Variants in DPYD observed in about 807,000 individuals in gnomAD.
DPYD encodes dihydropyrimidine dehydrogenase [NADP(+)].
Under a neutral mutation model 116.2 loss-of-function variants are expected in DPYD, and 109 were observed. The observed-to-expected ratio is 0.94, with a 90% CI of 0.80 to 1.10. DPYD has a LOEUF of 1.10. Ranked by LOEUF, DPYD falls within the 50% of genes least tolerant of loss-of-function variation. The pLI is 0.00. For synonymous variants in DPYD, 440 were observed against 432.0 expected (o/e 1.02, Z -0.23); for missense variants, 1,302 against 1,254.5 (o/e 1.04, Z -0.57).
In DPYD at chr1:97,581,191, G is replaced by A. The variant is rs1406346179; in HGVS notation, c.1129-7221C>T. Among the ~76,000 whole-genome samples the A allele has an allele frequency of 2.6e-5, 4 of 152,034 alleles. No homozygotes were observed. The South Asian group carries it at 8.3e-4, about 32-fold the overall frequency. ...ACAACAACAAAAATTAGCTGGGGTGGTGGCGGGCGCCTGTAGTCCCAGCTA... is the reference window on the plus strand; with the variant it reads ...ACAACAACAAAAATTAGCTGGGGTGATGGCGGGCGCCTGTAGTCCCAGCTA... On this transcript the variant is annotated intron_variant, in intron 10 of 22. Coordinates refer to ENST00000370192, the MANE Select transcript of DPYD (RefSeq NM_000110.4).
At chr1:97,323,925 T>A (rs1668570892) in intron 16 of DPYD, among the ~76,000 whole-genome samples, 1 of 151,880 alleles carries the variant, frequency 6.6e-6, no homozygotes, top group Non-Finnish European at 1.5e-5. Context: ...TTACTCTTTC[T>A]ACTGTCTTGC....
chr1:97,798,128 T>C (rs1461200461), intron 3 of DPYD: 4 of 152,086 alleles, frequency 2.6e-5, no homozygotes, highest in Non-Finnish European at 5.9e-5. Context: ...TGTTAAATAA[T>C]TGAAAAAATA....
At chr1:97,589,184 A>G (rs936219108) in intron 10 of DPYD, among the ~76,000 whole-genome samples, 8 of 152,188 alleles carry the variant, frequency 5.3e-5, no homozygotes, top group African/African-American at 1.9e-4. Flanking sequence ...GATGTCTCCT[A>G]CTTTTGTGGA....
In DPYD at chr1:97,880,350, CAT is replaced by C. The variant is rs906635241; in HGVS notation, c.150+2912_150+2913del. Among the ~76,000 whole-genome samples the C allele has an allele frequency of 1.3e-4, 19 of 151,824 alleles. No individual in the cohort carries two copies. In the South Asian group the frequency reaches 2.7e-3, roughly 22 times the overall value. Reference sequence around the variant, plus strand: ...TAGCTAGTGGGGATAAAAGTTCCAGCATCCTACTTGGGTCTTTATGAATTGAA... The same window carrying C: ...TAGCTAGTGGGGATAAAAGTTCCAGCCCTACTTGGGTCTTTATGAATTGAA... On this transcript the variant is annotated intron_variant, in intron 2 of 22. Transcript: ENST00000370192.
chr1:97,883,487 C>A, intron 1 of DPYD, 113 bp from the exon 2 acceptor site: 1 of 844,862 alleles, frequency 1.2e-6, no homozygotes, highest in South Asian at 1.6e-5. Context: ...CACTTTGTCA[C>A]CCAGGCTGGA....
rs769182083 is a variant in DPYD, at chr1:97,549,795, C to T, written c.1340-51G>A. On this transcript the variant is annotated intron_variant, in intron 11 of 22. Transcript: ENST00000370192. ...GACAATCACTAGTCAACAGACAATT[C>T]CATAACAATAATTTTAAAATTAAGA... is the stretch of plus-strand genomic sequence containing the variant. 39 of 1,471,744 alleles carry T rather than the reference C, an allele frequency of 2.6e-5. No homozygotes were observed. The Admixed American group carries it at 3.1e-4, about 12-fold the overall frequency. 91.2% of individuals were successfully genotyped at this position (1,471,744 alleles called of 1,614,324 possible). A position where few individuals can be genotyped will look rare whatever the true frequency, so the allele number is the denominator to read the frequency against.
intron 3 of DPYD, among the ~76,000 whole-genome samples, chr1:97,780,013 A>G (rs1666646433): frequency 6.6e-6 from 1 of 152,156 alleles, no homozygotes; most frequent in African/African-American, 2.4e-5. Context: ...CTTAATTTCT[A>G]CATTGTTTGA....
At chr1:97,568,861 T>C (rs1652708432) in intron 11 of DPYD, among the ~76,000 whole-genome samples, 1 of 152,038 alleles carries the variant, frequency 6.6e-6, no homozygotes, top group African/African-American at 2.4e-5. Flanking sequence ...GGGACTACAA[T>C]TTAGTATAAA....
intron 11 of DPYD, among the ~76,000 whole-genome samples, chr1:97,553,233 A>C (rs1223358411): frequency 2.0e-5 from 3 of 151,944 alleles, no homozygotes; most frequent in African/African-American, 4.8e-5. Context: ...TTAAATCTGG[A>C]GCTAAATACC....
At chr1:97,247,453 C>T (rs1301896505) in intron 18 of DPYD, among the ~76,000 whole-genome samples, 1 of 152,290 alleles carries the variant, frequency 6.6e-6, no homozygotes, top group East Asian at 1.9e-4. Context: ...CTGTGCATAT[C>T]TGTGTGGCCC....
intron 15 of DPYD, among the ~76,000 whole-genome samples, chr1:97,374,718 GAAAAAAAAAAAAAAAAAA>G (rs144889184): frequency 1.9e-5 from 1 of 52,612 alleles, no homozygotes; most frequent in Non-Finnish European, 3.0e-5. Context: ...CTCCGTCTCA[GAAAAAAAAAAAAAAAAAA>G]AAAAAAAAAA....
chr1:97,883,420 C>T, intron 1 of DPYD, 46 bp from the exon 2 acceptor site: 4 of 1,312,774 alleles, frequency 3.0e-6, no homozygotes, highest in Non-Finnish European at 4.4e-6. Flanking sequence ...AATATGTTGG[C>T]ATTTGTTTAA....
At chr1:97,724,300 GGGGGGGGGTGTGTGTGTGTGTGTGTGTGT>G (rs1557910165) in intron 4 of DPYD, among the ~76,000 whole-genome samples, 6 of 15,048 alleles carry the variant, frequency 4.0e-4, no homozygotes, top group African/African-American at 1.6e-3. Flanking sequence ...ATGTGGGGGG[GGGGGGGGGTGTGTGTGTGTGTGTGTGTGT>G]GTGTGTGTGT....
chr1:97,197,491 C>T (rs1658898092), intron 19 of DPYD, among the ~76,000 whole-genome samples: 1 of 152,062 alleles, frequency 6.6e-6, no homozygotes, highest in Non-Finnish European at 1.5e-5. Context: ...TAAAATCCTG[C>T]TGCTAAAATG....
intron 12 of DPYD, among the ~76,000 whole-genome samples, chr1:97,542,953 C>A (rs1163706277): frequency 6.6e-6 from 1 of 152,084 alleles, no homozygotes; most frequent in Non-Finnish European, 1.5e-5. Context: ...TATTTGCCAT[C>A]TTTTTCCTGA....
At chr1:97,692,134 C>T in intron 6 of DPYD, among the ~76,000 whole-genome samples, 1 of 151,750 alleles carries the variant, frequency 6.6e-6, no homozygotes, top group East Asian at 1.9e-4. Context: ...CTATAAATTC[C>T]TAAGATAAAA....
At chr1:97,736,008 G>GCTT (rs1663921139) in intron 4 of DPYD, among the ~76,000 whole-genome samples, 1 of 151,910 alleles carries the variant, frequency 6.6e-6, no homozygotes, top group African/African-American at 2.4e-5. Context: ...TCTAATAAGA[G>GCTT]CTTCATAAAG....
chr1:97,912,424 A>C (rs1673994139), intron 1 of DPYD, among the ~76,000 whole-genome samples: 1 of 152,176 alleles, frequency 6.6e-6, no homozygotes, highest in Admixed American at 6.6e-5. Context: ...AACTGAAGTT[A>C]ATATGAATAT....
chr1:97,283,971 C>G (rs1272993638), intron 18 of DPYD, among the ~76,000 whole-genome samples: 1 of 152,062 alleles, frequency 6.6e-6, no homozygotes, highest in Non-Finnish European at 1.5e-5. Flanking sequence ...TAACTCAGAG[C>G]CTGGTACACA....
Sources: gnomAD v4.1 joint callset for allele counts (sites outside exome capture counted in the v4.1 genomes callset) on GRCh38, gnomAD v4.1.1 for gene constraint, MANE v1.5 for transcripts, NCBI Gene and HGNC (gene_info 2026-07-23, HGNC 2026-07-21) for gene names.